CYGB: variants seen among roughly 807,000 people sequenced by gnomAD.
CYGB encodes cytoglobin.
Under a neutral mutation model 20.7 loss-of-function variants are expected in CYGB, and 13 were observed. The ratio of observed to expected loss-of-function variants is 0.63; its 90% CI spans 0.41 to 1.00. CYGB has a LOEUF of 1.00. CYGB is among the 50% of genes least tolerant of loss of function. The probability of loss-of-function intolerance (pLI) is 0.00; values close to 1 mark genes in which losing one functional copy is unlikely to be tolerated. For synonymous variants in CYGB, 93 were observed against 107.4 expected, an observed-to-expected ratio of 0.87 and a Z score of 0.83; for missense variants, 218 against 257.2, an observed-to-expected ratio of 0.85 and a Z score of 1.04.
At chr17:76,544,424 G>T (rs991250391) in intron 1 of CYGB, 2 of 454,790 alleles carry the variant, frequency 4.4e-6, no homozygotes, top group Non-Finnish European at 8.8e-6. Context: ...CAGGGTGGGG[G>T]AGGAGGTGCA....
rs1279708436 is a variant in CYGB, at chr17:76,537,648, G to C, written c.-106C>G. The C allele has an allele frequency of 6.3e-6, 6 of 954,230 alleles. No homozygotes were observed. Among genetic ancestry groups the C allele is most frequent in the Non-Finnish European group, 7.5e-6 (6 of 803,310 alleles). The allele number at this position is 954,230 out of a possible 1,614,324, so 59.1% of individuals were successfully genotyped here. The stretch of plus-strand genomic sequence containing the variant: ...CCGGGGCCGGCTGCGTGCGCGGCGG[G>C]CGGGCGAGGGGTAGAGCGCGGAGGG... On this transcript the variant is annotated 5_prime_UTR_variant, in exon 1 of 4. Coordinates refer to ENST00000293230, the MANE Select transcript of CYGB (RefSeq NM_134268.5).
At chr17:76,538,303 G>C (rs953391215), upstream of CYGB, 14 of 254,948 alleles carry the variant, frequency 5.5e-5, no homozygotes, top group Admixed American at 5.4e-4. Flanking sequence ...CCACGGCTCT[G>C]GACGCCCAGG....
At chr17:76,529,990 T>G in intron 3 of CYGB, 1 of 985,298 alleles carries the variant, frequency 1.0e-6, no homozygotes, top group Non-Finnish European at 1.2e-6. Context: ...CGTCCCCAGC[T>G]GCCCTCAGGG....
upstream of CYGB, chr17:76,537,936 CG>C (rs1192566689): frequency 6.6e-6 from 1 of 151,034 alleles, no homozygotes; most frequent in Non-Finnish European, 1.5e-5. Flanking sequence ...CACCGCGGGG[CG>C]GGGCTCGGGT....
rs1389949138 is a variant in CYGB at position 76,531,028 on chromosome 17, C to T, written c.490G>A (p.Ala164Thr). ...ACCCAGCCCACTTCCTTGTAGGCAG[C>T]GGTCACGTGGCTGTAGATGAGGCCA... is the stretch of plus-strand genomic sequence containing the variant. ...LRGLIYSHVTAAYKEVGWVQQ... is the reference protein window; with the variant it reads ...LRGLIYSHVTTAYKEVGWVQQ... The change falls in exon 3 of 4, where the codon GCT becomes ACT. Residue 164 changes from alanine (A) to threonine (T), a missense_variant. This residue lies in a region of CYGB where 66 missense variants were observed against 107.4 expected (regional missense o/e 0.61). Transcript: ENST00000293230. This position sits in a 1 kb window ranked among gnomAD's most constrained non-coding sequence, Gnocchi z 7.4. 1.4e-5 allele frequency: 23 copies of T among 1,613,072 alleles called. No homozygotes were observed. Among genetic ancestry groups the T allele is most frequent in the Admixed American group, 1.7e-5 (1 of 59,966 alleles).
chr17:76,527,637 C>T lies in CYGB; in HGVS notation c.*941G>A, dbSNP rs1056606493. On this transcript the variant is annotated 3_prime_UTR_variant, in exon 4 of 4. Transcript: ENST00000293230. ...AGGAGGGTGGGGTGGGGAAAGCCCT[C>T]GGCCCTCGGAGCTGAGGGTGAGACC... The T allele has an allele frequency of 2.2e-5, 10 of 453,678 alleles. No individual in the cohort carries two copies. Among genetic ancestry groups the T allele is most frequent in the African/African-American group, 1.4e-4 (7 of 49,940 alleles). 28.1% of individuals were successfully genotyped at this position (453,678 alleles called of 1,614,324 possible). A position where few individuals can be genotyped will look rare whatever the true frequency, so the allele number is the denominator to read the frequency against.
rs115289005 is a variant in CYGB, at chr17:76,529,858, C to T, written c.539+1121G>A. 881 of 985,278 alleles carry T rather than the reference C, an allele frequency of 8.9e-4. 5 individuals carry two copies. In the African/African-American group the frequency reaches 0.014, roughly 15 times the overall value. 61.0% of individuals were successfully genotyped at this position (985,278 alleles called of 1,614,324 possible). A position where few individuals can be genotyped will look rare whatever the true frequency, so the allele number is the denominator to read the frequency against. On this transcript the variant is annotated intron_variant, in intron 3 of 3. Transcript: ENST00000293230. ...CTGTGCACATCTGGAGTTGGCTTGGCTCCAGCCAGCAGTTCCCGAGGACTC... is the reference window on the plus strand; with the variant it reads ...CTGTGCACATCTGGAGTTGGCTTGGTTCCAGCCAGCAGTTCCCGAGGACTC...
intron 1 of CYGB, chr17:76,543,874 C>T (rs1490111411): frequency 4.2e-6 from 2 of 471,000 alleles, no homozygotes; most frequent in Admixed American, 4.7e-5. Flanking sequence ...GGATCTGTGA[C>T]ATGTCTGCCT....
upstream of CYGB, chr17:76,540,154 CT>C: frequency 6.2e-7 from 1 of 1,603,556 alleles, no homozygotes; most frequent in Non-Finnish European, 8.5e-7. This position sits in a 1 kb window ranked among gnomAD's most constrained non-coding sequence, Gnocchi z 5.0. Flanking sequence ...GTGCACCACC[CT>C]TTTCCTGCTC....
At chr17:76,529,349 A>G (rs4648335) in intron 3 of CYGB, 355,165 of 985,180 alleles carry the variant, frequency 0.36, 65,179 homozygotes, top group South Asian at 0.58. Context: ...ACGGTAGCCC[A>G]TCTCCATTCA....
chr17:76,536,831 C>A (rs77213933), intron 1 of CYGB, among the ~76,000 whole-genome samples: 1 of 152,184 alleles, frequency 6.6e-6, no homozygotes, highest in African/African-American at 2.4e-5. Flanking sequence ...CTGCCCTGGG[C>A]GCTCCTGCTG....
Position 76,537,479 on chromosome 17 carries a change from C to T in CYGB, c.64G>A (p.Ala22Thr), listed in dbSNP as rs774953063. The change falls in exon 1 of 4, where the codon GCG becomes ACG. Residue 22 changes from alanine (A) to threonine (T), a missense_variant. By Grantham distance (58) the Ala-to-Thr change is moderately conservative. Transcript: ENST00000293230. Reference sequence around the variant, plus strand: ...ATAGCCTGCACCGCCTTCCTCTCCGCCTCGGACAGCTCCTCGCTCCGCTCC... The same window carrying T: ...ATAGCCTGCACCGCCTTCCTCTCCGTCTCGGACAGCTCCTCGCTCCGCTCC... ...RRERSEELSEAERKAVQAMWA... is the reference protein window; with the variant it reads ...RRERSEELSETERKAVQAMWA... 20 of 1,592,648 alleles carry T rather than the reference C, an allele frequency of 1.3e-5. No homozygotes were observed. The highest frequency in any genetic ancestry group is 2.8e-5 in the African/African-American group (2 of 72,188).
chr17:76,530,954 A>G lies in CYGB; in HGVS notation c.539+25T>C, dbSNP rs1461491606. On this transcript the variant is annotated intron_variant, in intron 3 of 3. Transcript: ENST00000293230. This position sits in a 1 kb window ranked among gnomAD's most constrained non-coding sequence, Gnocchi z 6.1. ...AGAGGACATGGCGGGGAGGCTGCCC[A>G]GCCCACCCTCGCCCGCCTCCTCACG... 5.8e-6 allele frequency: 9 copies of G among 1,544,702 alleles called. No homozygotes were observed. The highest frequency in any genetic ancestry group is 7.0e-6 in the Non-Finnish European group (8 of 1,142,184).
chr17:76,547,896 GAC>G (rs913507320), intron 1 of CYGB, among the ~76,000 whole-genome samples: 20 of 140,974 alleles, frequency 1.4e-4, no homozygotes, highest in Non-Finnish European at 1.8e-4. Context: ...CATACACACA[GAC>G]ACACATAACA....
At chr17:76,548,859 AC>A (rs1165552759) in intron 1 of CYGB, among the ~76,000 whole-genome samples, 3 of 152,218 alleles carry the variant, frequency 2.0e-5, no homozygotes, top group African/African-American at 7.2e-5. Flanking sequence ...CAGGCAGCAC[AC>A]AGGACAGTGA....
chr17:76,536,082 G>A (rs558959363), intron 1 of CYGB, among the ~76,000 whole-genome samples: 52 of 152,296 alleles, frequency 3.4e-4, no homozygotes, highest in Non-Finnish European at 5.6e-4. Flanking sequence ...GGTTCCGAGC[G>A]TCTGAGGCCC....
At chr17:76,539,155 C>G (rs751252921), upstream of CYGB, among the ~76,000 whole-genome samples, 7 of 152,142 alleles carry the variant, frequency 4.6e-5, no homozygotes, top group Non-Finnish European at 8.8e-5. Flanking sequence ...TTCAGGTTCT[C>G]ACACCACTCC....
upstream of CYGB, chr17:76,538,625 T>G: frequency 2.7e-6 from 1 of 376,862 alleles, no homozygotes; most frequent in Admixed American, 3.3e-5. Flanking sequence ...AGGCGCAGGC[T>G]GCTGGGGACA....
Position 76,527,364 on chromosome 17 carries a change from G to T in CYGB, c.*1214C>A, listed in dbSNP as rs140859162. On this transcript the variant is annotated 3_prime_UTR_variant, in exon 4 of 4. Transcript: ENST00000293230. ...GCACGAGTGTGCACAGGTACAGCAA[G>T]AACGGGTCTGTTTAATGACACAGCT... is the stretch of plus-strand genomic sequence containing the variant. 5 of 353,644 alleles carry T rather than the reference G, an allele frequency of 1.4e-5. No individual in the cohort carries two copies. Among genetic ancestry groups the T allele is most frequent in the African/African-American group, 1.1e-4 (5 of 46,576 alleles). 21.9% of individuals were successfully genotyped at this position (353,644 alleles called of 1,614,324 possible).
Sources: gnomAD v4.1 joint callset for allele counts (sites outside exome capture counted in the v4.1 genomes callset) on GRCh38, gnomAD v4.1.1 for gene constraint, gnomAD v4.1.1 regional missense constraint, Gnocchi (gnomAD v3.1) non-coding constraint, MANE v1.5 for transcripts, NCBI Gene and HGNC (gene_info 2026-07-23, HGNC 2026-07-21) for gene names.